Variants in ENTREP2 observed in about 807,000 individuals in gnomAD.
ENTREP2 encodes the protein protein ENTREP2.
At chr15:29,419,193 G>C in the ENTREP2 span, among the ~76,000 whole-genome samples, 16 of 152,064 alleles carry the variant, frequency 1.1e-4, no homozygotes, top group African/African-American at 3.4e-4. Flanking sequence ...TTAGCTGGCT[G>C]ACTTCAAAAC....
chr15:29,138,975 T>C, the ENTREP2 span, among the ~76,000 whole-genome samples: 1 of 151,986 alleles, frequency 6.6e-6, no homozygotes, highest in Non-Finnish European at 1.5e-5. Flanking sequence ...GCTCTGGAAG[T>C]CAATTCTTAA....
the ENTREP2 span, among the ~76,000 whole-genome samples, chr15:29,657,487 G>C: frequency 1.6e-5 from 2 of 126,004 alleles, no homozygotes; most frequent in African/African-American, 3.6e-5. Context: ...GGGGGGCGGG[G>C]GGGGGGGGTG....
chr15:29,259,157 G>A, the ENTREP2 span, among the ~76,000 whole-genome samples: 1 of 152,166 alleles, frequency 6.6e-6, no homozygotes, highest in African/African-American at 2.4e-5. Flanking sequence ...AGACTTTAGT[G>A]ATCACACACA....
chr15:29,201,502 A>G, the ENTREP2 span, among the ~76,000 whole-genome samples: 6 of 152,136 alleles, frequency 3.9e-5, no homozygotes, highest in Non-Finnish European at 8.8e-5. Context: ...GAGTTTGTCA[A>G]ATGCTTTTTC....
chr15:29,189,991 C>T, the ENTREP2 span, among the ~76,000 whole-genome samples: 1 of 152,330 alleles, frequency 6.6e-6, no homozygotes, highest in African/African-American at 2.4e-5. Context: ...AATTTTTAGA[C>T]CCTATTTCCT....
chr15:29,656,733 C>T, the ENTREP2 span, among the ~76,000 whole-genome samples: 2,424 of 152,280 alleles, frequency 0.016, 63 homozygotes, highest in African/African-American at 0.055. Flanking sequence ...CAGACTCTCT[C>T]ATATCTTATC....
chr15:29,629,178 T>A, the ENTREP2 span, among the ~76,000 whole-genome samples: 1 of 152,232 alleles, frequency 6.6e-6, no homozygotes, highest in Admixed American at 6.5e-5. Flanking sequence ...AATCTACTTA[T>A]GTCATTATAG....
At chr15:29,343,028 G>GGGGGGC in the ENTREP2 span, among the ~76,000 whole-genome samples, 2 of 26,766 alleles carry the variant, frequency 7.5e-5, no homozygotes, top group Non-Finnish European at 1.9e-4. Flanking sequence ...AAAAAGGAAT[G>GGGGGGC]GGGGGGGTGG....
the ENTREP2 span, among the ~76,000 whole-genome samples, chr15:29,407,173 G>A: frequency 6.6e-6 from 1 of 152,124 alleles, no homozygotes; most frequent in South Asian, 2.1e-4. Context: ...TGTATGGTAC[G>A]GCCTACTGCT....
At chr15:29,404,501 C>A in the ENTREP2 span, among the ~76,000 whole-genome samples, 1 of 151,838 alleles carries the variant, frequency 6.6e-6, no homozygotes, top group Non-Finnish European at 1.5e-5. Flanking sequence ...CAGGCTGACA[C>A]TGATCTTACT....
chr15:29,629,564 T>C, the ENTREP2 span, among the ~76,000 whole-genome samples: 7 of 152,244 alleles, frequency 4.6e-5, no homozygotes. Context: ...GTAGAAACTT[T>C]ACTTCCCTTT....
chr15:29,638,216 G>C, the ENTREP2 span, among the ~76,000 whole-genome samples: 1 of 152,246 alleles, frequency 6.6e-6, no homozygotes, highest in Non-Finnish European at 1.5e-5. Context: ...AGGCAGCCCA[G>C]AGTGCCTGCT....
At chr15:29,182,530 G>A in the ENTREP2 span, among the ~76,000 whole-genome samples, 1 of 151,998 alleles carries the variant, frequency 6.6e-6, no homozygotes. Context: ...TATTAAAAAT[G>A]GTAACATTTT....
At chr15:29,466,537 C>G in the ENTREP2 span, among the ~76,000 whole-genome samples, 4 of 146,066 alleles carry the variant, frequency 2.7e-5, no homozygotes, top group African/African-American at 1.0e-4. Flanking sequence ...CGCTGCACCC[C>G]CAAGGGAGAG....
chr15:29,211,156 T>C, the ENTREP2 span, among the ~76,000 whole-genome samples: 4 of 152,274 alleles, frequency 2.6e-5, no homozygotes, highest in African/African-American at 9.6e-5. Context: ...ACTACGAAGA[T>C]TTCTGCATTT....
chr15:29,208,451 T>C, the ENTREP2 span, among the ~76,000 whole-genome samples: 4 of 152,102 alleles, frequency 2.6e-5, no homozygotes, highest in Non-Finnish European at 5.9e-5. Context: ...AGCCTCAGAG[T>C]GCTCTCAAGC....
the ENTREP2 span, among the ~76,000 whole-genome samples, chr15:29,240,207 A>G: frequency 6.6e-6 from 1 of 152,144 alleles, no homozygotes; most frequent in Admixed American, 6.5e-5. Context: ...TACTAAAAAT[A>G]CAAAAAATTA....
chr15:29,287,470 T>C, the ENTREP2 span, among the ~76,000 whole-genome samples: 2 of 151,892 alleles, frequency 1.3e-5, no homozygotes, highest in African/African-American at 2.4e-5. Flanking sequence ...CCATTACCTT[T>C]TGAGGTGGCT....
At chr15:29,280,614 C>A in the ENTREP2 span, among the ~76,000 whole-genome samples, 14 of 152,154 alleles carry the variant, frequency 9.2e-5, no homozygotes, top group Admixed American at 9.2e-4. Context: ...TATGAAAGAC[C>A]AGCCAATGCC....
Sources: allele counts gnomAD v4.1 joint callset (sites outside exome capture counted in the v4.1 genomes callset), GRCh38; gene constraint gnomAD v4.1.1; transcripts MANE v1.5; gene names NCBI Gene and HGNC (gene_info 2026-07-23, HGNC 2026-07-21).